Variants in CARM1 observed in about 807,000 individuals in gnomAD.
The protein encoded by CARM1 is coactivator associated arginine methyltransferase 1.
In CARM1, 14 loss-of-function variants were observed where a neutral mutation model predicts 72.7. That is an observed-to-expected ratio of 0.19 (90% CI 0.13 to 0.30). The LOEUF (loss-of-function observed/expected upper bound fraction) is 0.30. CARM1 is among the 10% of genes least tolerant of loss of function. CARM1 has a pLI of 1.00. For synonymous variants in CARM1, 333 were observed against 345.5 expected (o/e 0.96, Z 0.40); for missense variants, 432 against 833.7 (o/e 0.52, Z 5.93).
rs1262971183 is a variant in CARM1, at chr19:10,916,946, A to G, written c.1020+169A>G. On this transcript the variant is annotated intron_variant, in intron 8 of 15. Coordinates refer to ENST00000327064, the MANE Select transcript of CARM1 (RefSeq NM_199141.2). The surrounding 1 kb of genome is among the most constrained non-coding windows in gnomAD (Gnocchi z 4.4). ...CAATGCATGTAGACACTTAGCACAC[A>G]GCACACATGCAATACATGTGGAACA... Among the ~76,000 whole-genome samples the G allele has an allele frequency of 6.6e-6, 1 of 152,230 alleles. No homozygotes were observed. The highest frequency in any genetic ancestry group is 1.5e-5 in the Non-Finnish European group (1 of 68,046).
intron 4 of CARM1, among the ~76,000 whole-genome samples, chr19:10,911,348 G>A (rs2074149365): frequency 2.0e-5 from 3 of 152,164 alleles, no homozygotes; most frequent in Admixed American, 6.5e-5. Context: ...CTTGGGCCCT[G>A]GGGAGGAGTT....
At chr19:10,919,538 C>G in intron 8 of CARM1, 57 bp from the exon 9 acceptor site, 1 of 1,276,856 alleles carries the variant, frequency 7.8e-7, no homozygotes, top group Non-Finnish European at 1.1e-6. Context: ...GCAGGGCTCT[C>G]CCCTCCCATG....
In CARM1 at chr19:10,920,036, T is replaced by TG. The variant is rs978835199; in HGVS notation, c.1196+77dup. 52 of 1,218,382 alleles carry TG rather than the reference T, an allele frequency of 4.3e-5. No individual in the cohort carries two copies. The highest frequency in any genetic ancestry group is 9.1e-5 in the Admixed American group (5 of 55,042). 75.5% of individuals were successfully genotyped at this position (1,218,382 alleles called of 1,614,324 possible). On this transcript the variant is annotated intron_variant, in intron 10 of 15. Coordinates refer to ENST00000327064, the MANE Select transcript of CARM1 (RefSeq NM_199141.2). The surrounding 1 kb of genome is among the most constrained non-coding windows in gnomAD (Gnocchi z 5.3). The stretch of plus-strand genomic sequence containing the variant: ...GGGCTTCCTGCAGCTGCAACCTGGC[T>TG]GGGGGGGTGGAACATGGCTCCAGGT...
chr19:10,881,232 T>C (rs2073900123), intron 1 of CARM1, among the ~76,000 whole-genome samples: 1 of 152,236 alleles, frequency 6.6e-6, no homozygotes, highest in African/African-American at 2.4e-5. Flanking sequence ...AGAAAAGCTT[T>C]GCCCTGTGTG....
In CARM1 at chr19:10,921,757, G is replaced by A; in HGVS notation, c.1827G>A (p.Ter609=). The A allele has an allele frequency of 6.3e-7, 1 of 1,594,240 alleles. No individual in the cohort carries two copies. The highest frequency in any genetic ancestry group is 8.6e-7 in the Non-Finnish European group (1 of 1,167,174). Residue 609 remains the stop codon, a stop_retained_variant, in exon 16 of 16, where the codon TAG becomes TAA. Coordinates refer to ENST00000327064, the MANE Select transcript of CARM1 (RefSeq NM_199141.2). ...CCAACACCATGCACTACGGGAGCTA[G>A]GGGCCCGCCCCGCGGACTGACAGCA... ...IPTNTMHYGS[*]
intron 5 of CARM1, among the ~76,000 whole-genome samples, chr19:10,913,544 A>G (rs1361160434): frequency 3.3e-5 from 5 of 150,368 alleles, no homozygotes; most frequent in African/African-American, 9.7e-5. Context: ...TGTCTCAAAG[A>G]AAAAAAAAAT....
chr19:10,921,327 G>A (rs369062935), intron 14 of CARM1, 48 bp from the exon 15 acceptor site: 128 of 1,600,718 alleles, frequency 8.0e-5, no homozygotes, highest in Non-Finnish European at 9.4e-5. Flanking sequence ...GGTGGCTGGG[G>A]GCGGTGACGC....
intron 8 of CARM1, among the ~76,000 whole-genome samples, chr19:10,917,853 G>A (rs948945438): frequency 6.6e-6 from 1 of 151,782 alleles, no homozygotes; most frequent in Admixed American, 6.6e-5. Flanking sequence ...TGGGAGTACA[G>A]GCGCTTGCCA....
chr19:10,874,633 C>T (rs866336649), intron 1 of CARM1, among the ~76,000 whole-genome samples: 1 of 152,092 alleles, frequency 6.6e-6, no homozygotes, highest in Non-Finnish European at 1.5e-5. Flanking sequence ...CTCAAGTGAT[C>T]CTCCCTCCTT....
intron 1 of CARM1, among the ~76,000 whole-genome samples, chr19:10,883,427 C>A (rs577247713): frequency 6.6e-6 from 1 of 152,186 alleles, no homozygotes; most frequent in Non-Finnish European, 1.5e-5. Context: ...CCCTCTGGAT[C>A]TGCTTCCTGA....
At chr19:10,878,868 G>A (rs2073881687) in intron 1 of CARM1, among the ~76,000 whole-genome samples, 2 of 150,760 alleles carry the variant, frequency 1.3e-5, no homozygotes, top group African/African-American at 4.9e-5. Flanking sequence ...GTGCAGTGGT[G>A]TGATCTCAGC....
intron 8 of CARM1, among the ~76,000 whole-genome samples, chr19:10,917,718 C>CTTTT (rs1164032277): frequency 1.4e-4 from 18 of 129,800 alleles, no homozygotes; most frequent in African/African-American, 1.7e-4. Context: ...TTTTCTTTTT[C>CTTTT]TTTTTTTTTT....
chr19:10,881,120 C>T (rs1304923594), intron 1 of CARM1, among the ~76,000 whole-genome samples: 2 of 152,152 alleles, frequency 1.3e-5, no homozygotes, highest in African/African-American at 4.8e-5. Flanking sequence ...GAGCCATAAT[C>T]GTACCACTGC....
chr19:10,912,354 C>A lies in CARM1; in HGVS notation c.669+60C>A. ...CTCGCCCATGAGTGCCATGCCGGCCCCAGCCTAGAGAAGCTTGGGAACCCC... is the reference window on the plus strand; with the variant it reads ...CTCGCCCATGAGTGCCATGCCGGCCACAGCCTAGAGAAGCTTGGGAACCCC... On this transcript the variant is annotated intron_variant, in intron 5 of 15. Transcript: ENST00000327064. This position sits in a 1 kb window ranked among gnomAD's most constrained non-coding sequence, Gnocchi z 4.5. The A allele has an allele frequency of 7.6e-7, 1 of 1,309,638 alleles. No individual in the cohort carries two copies. 81.1% of individuals were successfully genotyped at this position (1,309,638 alleles called of 1,614,324 possible).
In CARM1 at chr19:10,920,775, G is replaced by C; in HGVS notation, c.1424+27G>C. Reference sequence around the variant, plus strand: ...TAGGAGGGGCCCCTTGCCTGCACAGGGGGGCGCCCCGGCCCTGCAACCCCC... The same window carrying C: ...TAGGAGGGGCCCCTTGCCTGCACAGCGGGGCGCCCCGGCCCTGCAACCCCC... On this transcript the variant is annotated intron_variant, in intron 12 of 15. Coordinates refer to ENST00000327064, the MANE Select transcript of CARM1 (RefSeq NM_199141.2). The surrounding 1 kb of genome is among the most constrained non-coding windows in gnomAD (Gnocchi z 5.3). 1 of 1,613,706 alleles carries C rather than the reference G, an allele frequency of 6.2e-7. No individual in the cohort carries two copies. Among genetic ancestry groups the C allele is most frequent in the Non-Finnish European group, 8.5e-7 (1 of 1,179,626 alleles).
At chr19:10,890,639 A>G (rs1220597882) in intron 1 of CARM1, among the ~76,000 whole-genome samples, 1 of 150,438 alleles carries the variant, frequency 6.6e-6, no homozygotes, top group Non-Finnish European at 1.5e-5. Flanking sequence ...TTACATATAT[A>G]TATGTATATG....
At chr19:10,890,552 G>C (rs2073976218) in intron 1 of CARM1, among the ~76,000 whole-genome samples, 1 of 151,234 alleles carries the variant, frequency 6.6e-6, no homozygotes, top group South Asian at 2.1e-4. Flanking sequence ...ACAGGTGTGA[G>C]CCACCCCACC....
intron 1 of CARM1, 112 bp downstream of exon 1, chr19:10,872,034 C>T (rs965588070): frequency 1.1e-6 from 1 of 902,794 alleles, no homozygotes; most frequent in Non-Finnish European, 1.4e-6. Flanking sequence ...GTGGGGTCCC[C>T]GGGACTGAGC....
chr19:10,920,085 TGA>T lies in CARM1; in HGVS notation c.1196+123_1196+124del. The T allele has an allele frequency of 1.3e-6, 1 of 779,170 alleles. No individual in the cohort carries two copies. The highest frequency in any genetic ancestry group is 1.5e-5 in the South Asian group (1 of 68,032). 48.3% of individuals were successfully genotyped at this position (779,170 alleles called of 1,614,324 possible). On this transcript the variant is annotated intron_variant, in intron 10 of 15. Transcript: ENST00000327064. The surrounding 1 kb of genome is among the most constrained non-coding windows in gnomAD (Gnocchi z 5.3). The stretch of plus-strand genomic sequence containing the variant: ...GTTCCACCATCCCTTCCAATGGGAG[TGA>T]GAGCCTGTCTCGGAGCAAGAGACTG...
Sources: allele counts gnomAD v4.1 joint callset (sites outside exome capture counted in the v4.1 genomes callset), GRCh38; gene constraint gnomAD v4.1.1; non-coding constraint Gnocchi (gnomAD v3.1); transcripts MANE v1.5; gene names NCBI Gene and HGNC (gene_info 2026-07-23, HGNC 2026-07-21).